Variants in ELMO1 observed in about 807,000 individuals in gnomAD.
The protein encoded by ELMO1 is engulfment and cell motility protein 1.
Under a neutral mutation model 98.9 loss-of-function variants are expected in ELMO1, and 26 were observed. The ratio of observed to expected loss-of-function variants is 0.26; its 90% CI spans 0.19 to 0.36. The LOEUF is 0.36. Among genes scored for constraint, ELMO1 ranks in the 10% least tolerant of loss-of-function variants. ELMO1 has a pLI of 1.00. For missense variants in ELMO1, 627 were observed against 935.2 expected (o/e 0.67, Z 4.30); for synonymous variants, 346 against 346.0 (o/e 1.00, Z 0.00).
intron 11 of ELMO1, among the ~76,000 whole-genome samples, chr7:37,215,193 C>T (rs1224723915): frequency 6.6e-6 from 1 of 152,222 alleles, no homozygotes; most frequent in Non-Finnish European, 1.5e-5. Flanking sequence ...ATGAAAGTTA[C>T]ACTCATACAT....
intron 4 of ELMO1, among the ~76,000 whole-genome samples, chr7:37,292,743 G>A (rs1188369188): frequency 1.2e-4 from 10 of 85,652 alleles, no homozygotes; most frequent in East Asian, 3.7e-4. Context: ...AGGTGGGGGG[G>A]TCAGCCCCCC....
At chr7:37,207,801 G>A (rs773999165) in intron 13 of ELMO1, among the ~76,000 whole-genome samples, 35 of 152,288 alleles carry the variant, frequency 2.3e-4, no homozygotes, top group Admixed American at 1.0e-3. Context: ...CATTAGCTGG[G>A]TGTGGTGGTG....
chr7:37,220,482 A>T (rs1793531121), intron 10 of ELMO1, among the ~76,000 whole-genome samples: 1 of 152,162 alleles, frequency 6.6e-6, no homozygotes, highest in Non-Finnish European at 1.5e-5. Flanking sequence ...GTGGTGGTTT[A>T]TTAGAATAAT....
intron 1 of ELMO1, among the ~76,000 whole-genome samples, chr7:37,380,323 G>A (rs1802532383): frequency 6.6e-6 from 1 of 152,160 alleles, no homozygotes; most frequent in South Asian, 2.1e-4. Context: ...TACACACCAT[G>A]CAGAAAGAGC....
chr7:36,934,390 C>T (rs1786325784), intron 16 of ELMO1, among the ~76,000 whole-genome samples: 1 of 152,224 alleles, frequency 6.6e-6, no homozygotes, highest in African/African-American at 2.4e-5. Context: ...GGGAAGAGCG[C>T]TGGGCTTCGC....
intron 4 of ELMO1, among the ~76,000 whole-genome samples, chr7:37,293,190 G>A (rs1797840473): frequency 8.7e-6 from 1 of 114,482 alleles, no homozygotes; most frequent in Non-Finnish European, 2.0e-5. Flanking sequence ...GAGCCCCTCT[G>A]CCCGGCCACC....
At position 37,303,320 on chromosome 7, in the gene ELMO1, CA is replaced by C. The variant is rs1160518231; in HGVS notation, c.192+11529del. ...AAAATAGAAAACAGACTAAAAACAA[CA>C]AAAAGGCATTCCAAGTAGTAAAGTC... On this transcript the variant is annotated intron_variant, in intron 4 of 21. Transcript: ENST00000310758. 2.6e-5 allele frequency among the ~76,000 whole-genome samples: 4 copies of C among 152,170 alleles called. No individual in the cohort carries two copies. In the East Asian group the frequency reaches 7.7e-4, roughly 29 times the overall value.
chr7:37,119,298 T>C (rs1243009053), intron 14 of ELMO1, among the ~76,000 whole-genome samples: 1 of 152,332 alleles, frequency 6.6e-6, no homozygotes, highest in East Asian at 1.9e-4. Flanking sequence ...AAGGTTTCTT[T>C]ATCTTCCCAT....
At chr7:37,166,814 A>G (rs968319675) in intron 13 of ELMO1, among the ~76,000 whole-genome samples, 1 of 152,032 alleles carries the variant, frequency 6.6e-6, no homozygotes, top group African/African-American at 2.4e-5. Context: ...TGTATATTCT[A>G]TTGATTTGGG....
intron 15 of ELMO1, among the ~76,000 whole-genome samples, chr7:37,049,432 C>T (rs1360642076): frequency 6.6e-6 from 1 of 152,184 alleles, no homozygotes; most frequent in Non-Finnish European, 1.5e-5. Context: ...CTCTCTTCTC[C>T]TTTTGCATTT....
chr7:37,109,792 C>A (rs771313955), intron 14 of ELMO1, among the ~76,000 whole-genome samples: 1 of 152,180 alleles, frequency 6.6e-6, no homozygotes, highest in Non-Finnish European at 1.5e-5. Context: ...GACTGGCCTG[C>A]CTCTCAGTTA....
intron 4 of ELMO1, among the ~76,000 whole-genome samples, chr7:37,279,204 A>AAAAC (rs80120876): frequency 0.4 from 60,723 of 150,578 alleles, 12,498 homozygotes; most frequent in Middle Eastern, 0.52. Flanking sequence ...CTCCGTTTCA[A>AAAAC]AAACAAACAA....
intron 1 of ELMO1, among the ~76,000 whole-genome samples, chr7:37,447,814 CG>C (rs1805703738): frequency 1.3e-5 from 2 of 151,898 alleles, no homozygotes; most frequent in Non-Finnish European, 1.5e-5. Context: ...CGCGCACCCC[CG>C]GGACAGCTGA....
chr7:36,978,308 C>G (rs1035317200), intron 16 of ELMO1, among the ~76,000 whole-genome samples: 12 of 151,108 alleles, frequency 7.9e-5, no homozygotes, highest in Admixed American at 4.6e-4. Context: ...ATCTGACATC[C>G]TAGGACTCAG....
At position 37,448,719 on chromosome 7, in the gene ELMO1, C is replaced by G. The variant is rs532490159; in HGVS notation, c.-118G>C. 15 of 152,582 alleles carry G rather than the reference C, an allele frequency of 9.8e-5. No individual in the cohort carries two copies. Among genetic ancestry groups the G allele is most frequent in the African/African-American group, 3.1e-4 (13 of 41,566 alleles). The allele number at this position is 152,582 out of a possible 1,614,324, so 9.5% of individuals were successfully genotyped here. ...AGCAGCGGCAAGGGTTCCCGGCGATCAGAGCTCCGGCGACCCGCCACCATT... is the reference window on the plus strand; with the variant it reads ...AGCAGCGGCAAGGGTTCCCGGCGATGAGAGCTCCGGCGACCCGCCACCATT... On this transcript the variant is annotated 5_prime_UTR_variant, in exon 1 of 22. Transcript: ENST00000310758.
intron 16 of ELMO1, among the ~76,000 whole-genome samples, chr7:36,934,615 TAGG>T (rs1354457904): frequency 6.6e-6 from 1 of 152,214 alleles, no homozygotes; most frequent in Non-Finnish European, 1.5e-5. Flanking sequence ...TTTTGATGAT[TAGG>T]AGATGAAAAA....
intron 13 of ELMO1, among the ~76,000 whole-genome samples, chr7:37,134,395 T>C (rs1238749254): frequency 1.3e-5 from 2 of 151,906 alleles, no homozygotes; most frequent in Non-Finnish European, 1.5e-5. Context: ...CTGTCTCTAC[T>C]AAAGATACAA....
chr7:37,119,290 G>A (rs1187829679), intron 14 of ELMO1, among the ~76,000 whole-genome samples: 1 of 152,160 alleles, frequency 6.6e-6, no homozygotes, highest in Non-Finnish European at 1.5e-5. Context: ...AAGGGCATAA[G>A]GTTTCTTTAT....
intron 14 of ELMO1, among the ~76,000 whole-genome samples, chr7:37,105,836 G>A (rs1403398459): frequency 1.3e-5 from 2 of 152,210 alleles, no homozygotes; most frequent in Non-Finnish European, 2.9e-5. Context: ...AATCCATAGA[G>A]AGAGAAGGCA....
Sources: allele counts gnomAD v4.1 joint callset (sites outside exome capture counted in the v4.1 genomes callset), GRCh38; gene constraint gnomAD v4.1.1; transcripts MANE v1.5; gene names NCBI Gene and HGNC (gene_info 2026-07-23, HGNC 2026-07-21).